The following DSG2 variants were observed in gnomAD, a reference collection of about 807,000 sequenced individuals.
The protein encoded by DSG2 is desmoglein-2.
Under a neutral mutation model 75.6 loss-of-function variants are expected in DSG2, and 45 were observed. The observed-to-expected ratio is 0.60, with a 90% CI of 0.47 to 0.76. DSG2 has a LOEUF of 0.76. Among genes scored for constraint, DSG2 ranks in the 30% least tolerant of loss-of-function variants. DSG2 has a pLI of 0.00. For synonymous variants in DSG2, 429 were observed against 483.9 expected (o/e 0.89, Z 1.49); for missense variants, 1,267 against 1,357.4 (o/e 0.93, Z 1.05).
intron 8 of DSG2, among the ~76,000 whole-genome samples, chr18:31,529,900 T>TA (rs1345100229): frequency 6.6e-6 from 1 of 152,178 alleles, no homozygotes; most frequent in Non-Finnish European, 1.5e-5. Context: ...CAGTATTAAT[T>TA]ACATTTAGAA....
At chr18:31,538,668 T>C (rs1252381280) in intron 11 of DSG2, 83 bp from the exon 12 acceptor site, 4 of 1,102,552 alleles carry the variant, frequency 3.6e-6, no homozygotes, top group Non-Finnish European at 5.5e-6. Context: ...CAATCAGCAA[T>C]GAAAGAACAT....
chr18:31,524,314 C>T, intron 6 of DSG2, 134 bp from the exon 7 acceptor site: 2 of 1,253,300 alleles, frequency 1.6e-6, no homozygotes, highest in South Asian at 1.3e-5. Context: ...TATCTTCACA[C>T]AAATAATAGC....
At chr18:31,498,392 G>A in intron 1 of DSG2, 96 bp downstream of exon 1, 1 of 1,201,920 alleles carries the variant, frequency 8.3e-7, no homozygotes, top group Non-Finnish European at 1.1e-6. Flanking sequence ...CCGCCCTTGT[G>A]CGCGTTACCT....
Position 31,524,365 on chromosome 18 carries a change from C to T in DSG2, c.691-83C>T, listed in dbSNP as rs3737377. 2.1e-3 allele frequency: 3,279 copies of T among 1,532,586 alleles called. 72 individuals carry two copies. In the East Asian group the frequency reaches 0.051, roughly 24 times the overall value. The allele number at this position is 1,532,586 out of a possible 1,614,324, so 94.9% of individuals were successfully genotyped here. On this transcript the variant is annotated intron_variant, in intron 6 of 14. Transcript: ENST00000261590. ...TTTGTAAATAAAATATACTGTGGTA[C>T]GTGATAAACTGGACTAAAACCAGAA...
At chr18:31,503,204 T>C (rs550426164) in intron 1 of DSG2, among the ~76,000 whole-genome samples, 6 of 152,266 alleles carry the variant, frequency 3.9e-5, no homozygotes, top group Non-Finnish European at 7.4e-5. Context: ...GTGCTTACAG[T>C]CTAATGAATG....
chr18:31,498,523 C>T (rs1454942446), intron 1 of DSG2, among the ~76,000 whole-genome samples: 2 of 152,160 alleles, frequency 1.3e-5, no homozygotes, highest in East Asian at 1.9e-4. Context: ...TGCGACCTAT[C>T]GAAGTTGTGT....
chr18:31,506,521 G>A (rs1240335521), intron 1 of DSG2, among the ~76,000 whole-genome samples: 1 of 152,202 alleles, frequency 6.6e-6, no homozygotes, highest in Non-Finnish European at 1.5e-5. Flanking sequence ...ATTTCTGGTA[G>A]TTCCTGCAGT....
At chr18:31,523,674 C>A (rs1359006873) in intron 6 of DSG2, among the ~76,000 whole-genome samples, 1 of 152,148 alleles carries the variant, frequency 6.6e-6, no homozygotes, top group Non-Finnish European at 1.5e-5. Context: ...TGTTCTAAGC[C>A]TTTTTATGGA....
chr18:31,518,415 C>T (rs2073106673), intron 2 of DSG2, 141 bp downstream of exon 2: 1 of 739,184 alleles, frequency 1.4e-6, no homozygotes, highest in Non-Finnish European at 2.4e-6. Flanking sequence ...TGCAGAGGAG[C>T]TTATCCAGGG....
rs529895856 is a variant in DSG2, at chr18:31,537,836, C to G, written c.1652-915C>G. ...TGGCCAACATGGTGAAACTCCATCTCTACTATAAATACAAAAATTAGCTGG... is the reference window on the plus strand; with the variant it reads ...TGGCCAACATGGTGAAACTCCATCTGTACTATAAATACAAAAATTAGCTGG... On this transcript the variant is annotated intron_variant, in intron 11 of 14. Transcript: ENST00000261590. Among the ~76,000 whole-genome samples, 96 of 151,908 alleles carry G rather than the reference C, an allele frequency of 6.3e-4. 2 individuals are homozygous for G. In the South Asian group the frequency reaches 0.019, roughly 31 times the overall value.
chr18:31,541,466 C>A, intron 13 of DSG2, 152 bp downstream of exon 13: 1 of 1,053,340 alleles, frequency 9.5e-7, no homozygotes, highest in Non-Finnish European at 1.4e-6. Flanking sequence ...CAAATGACAG[C>A]ATATTTTGTG....
chr18:31,530,492 A>G (rs1428636703), intron 8 of DSG2, among the ~76,000 whole-genome samples: 3 of 152,078 alleles, frequency 2.0e-5, no homozygotes, highest in Admixed American at 2.0e-4. Flanking sequence ...ATCATGGCTC[A>G]CTGCAGCCTC....
chr18:31,505,786 C>G (rs148078423), intron 1 of DSG2, among the ~76,000 whole-genome samples: 3 of 151,618 alleles, frequency 2.0e-5, no homozygotes, highest in Non-Finnish European at 4.4e-5. Context: ...CTCAACCTCC[C>G]GAGTAGCTGG....
intron 1 of DSG2, among the ~76,000 whole-genome samples, chr18:31,508,317 T>A (rs1338377773): frequency 6.6e-6 from 1 of 152,118 alleles, no homozygotes; most frequent in Admixed American, 6.5e-5. Flanking sequence ...AAAATCTTTT[T>A]GTGATGGGGA....
At chr18:31,522,391 G>T (rs1237560987) in intron 6 of DSG2, 142 bp downstream of exon 6, 3 of 841,840 alleles carry the variant, frequency 3.6e-6, no homozygotes, top group Non-Finnish European at 5.6e-6. Flanking sequence ...TTTTAGGGAT[G>T]TGCTGTCCAA....
Position 31,526,262 on chromosome 18 carries a change from A to G in DSG2, c.1014+1374A>G, listed in dbSNP as rs556682349. On this transcript the variant is annotated intron_variant, in intron 8 of 14. Coordinates refer to ENST00000261590, the MANE Select transcript of DSG2 (RefSeq NM_001943.5). ...TTCCAAAATACTATTTCATTAAATTACACATAGGCAAAAATTGATTCCAGA... is the reference window on the plus strand; with the variant it reads ...TTCCAAAATACTATTTCATTAAATTGCACATAGGCAAAAATTGATTCCAGA... Among the ~76,000 whole-genome samples, 7 of 152,342 alleles carry G rather than the reference A, an allele frequency of 4.6e-5. No individual in the cohort carries two copies. In the South Asian group the frequency reaches 1.0e-3, roughly 23 times the overall value.
chr18:31,500,821 T>A (rs1176238191), intron 1 of DSG2, among the ~76,000 whole-genome samples: 1 of 152,182 alleles, frequency 6.6e-6, no homozygotes, highest in East Asian at 1.9e-4. Flanking sequence ...TTCTTTGCAA[T>A]CCATCAACTC....
chr18:31,534,490 C>T (rs1041772982), intron 9 of DSG2, among the ~76,000 whole-genome samples: 8 of 148,366 alleles, frequency 5.4e-5, no homozygotes, highest in Admixed American at 2.7e-4. Flanking sequence ...TAGATGCTTC[C>T]GTTTAAAATG....
Position 31,542,654 on chromosome 18 carries a change from C to T in DSG2, c.2136C>T (p.Ser712=), listed in dbSNP as rs762885119. The T allele has an allele frequency of 8.7e-6, 14 of 1,613,924 alleles. No individual in the cohort carries two copies. The highest frequency in any genetic ancestry group is 6.7e-5 in the East Asian group (3 of 44,878). ...TTGTCAAAGGGCAACATGAGATGTC[C>T]GAGATGGATGGAAGGTGGGAAGAAC... ...ASIVKGQHEM[S]EMDGRWEEHR... The change falls in exon 14 of 15, where the codon TCC becomes TCT. Residue 712 remains serine, a synonymous_variant. Transcript: ENST00000261590.
Sources: gnomAD v4.1 joint callset for allele counts (sites outside exome capture counted in the v4.1 genomes callset) on GRCh38, gnomAD v4.1.1 for gene constraint, MANE v1.5 for transcripts, NCBI Gene and HGNC (gene_info 2026-07-23, HGNC 2026-07-21) for gene names.